PCDH9: variants seen among roughly 807,000 people sequenced by gnomAD.
The protein encoded by PCDH9 is protocadherin 9.
PCDH9 carries 24 observed loss-of-function variants against 70.6 expected under a neutral mutation model. The ratio of observed to expected loss-of-function variants is 0.34; its 90% confidence interval spans 0.25 to 0.48. The LOEUF (loss-of-function observed/expected upper bound fraction) is 0.48, where lower values mean the gene tolerates loss of function less well. PCDH9 is among the 20% of genes least tolerant of loss of function. The pLI is 0.99. For synonymous variants in PCDH9, 562 were observed against 558.5 expected, an observed-to-expected ratio of 1.01 and a Z score of -0.09; for missense variants, 1,281 against 1,503.6, an observed-to-expected ratio of 0.85 and a Z score of 2.45.
At chr13:66,393,515 G>A (rs548384343) in intron 4 of PCDH9, among the ~76,000 whole-genome samples, 85 of 152,294 alleles carry the variant, frequency 5.6e-4, no homozygotes, top group African/African-American at 2.0e-3. Flanking sequence ...CATGTTGACA[G>A]AAATAGGAGA....
chr13:67,100,069 G>T (rs1056536155), intron 2 of PCDH9, among the ~76,000 whole-genome samples: 1 of 152,104 alleles, frequency 6.6e-6, no homozygotes, highest in Non-Finnish European at 1.5e-5. Context: ...AAGTCTATGG[G>T]TTTTTGTCCT....
In PCDH9 at chr13:66,468,533, G is replaced by A. The variant is rs60918607; in HGVS notation, c.3340+162677C>T. Among the ~76,000 whole-genome samples the A allele has an allele frequency of 8.7e-3, 1,318 of 152,140 alleles. 19 individuals are homozygous for A. Among genetic ancestry groups the A allele is most frequent in the African/African-American group, 0.03 (1,227 of 41,512 alleles). ...ATGTCTTGAAAAGAAGATTTGTTAT[G>A]TCTTACACTTCATGACAATACATAC... On this transcript the variant is annotated intron_variant, in intron 4 of 4. Transcript: ENST00000377865.
intron 2 of PCDH9, among the ~76,000 whole-genome samples, chr13:66,974,580 A>G (rs555199861): frequency 6.6e-6 from 1 of 151,978 alleles, no homozygotes; most frequent in Admixed American, 6.6e-5. Flanking sequence ...CCCATACTAC[A>G]GTTATGTATT....
At chr13:67,131,480 C>A (rs2087110037) in intron 2 of PCDH9, among the ~76,000 whole-genome samples, 2 of 152,148 alleles carry the variant, frequency 1.3e-5, no homozygotes. Context: ...TATAGAAAAT[C>A]TCCTAATTTT....
chr13:67,031,167 CGGGTG>C (rs2084898416), intron 2 of PCDH9, among the ~76,000 whole-genome samples: 1 of 151,958 alleles, frequency 6.6e-6, no homozygotes, highest in African/African-American at 2.4e-5. Flanking sequence ...ACATTGAAAG[CGGGTG>C]TTAAGTAAAG....
chr13:66,450,184 A>G (rs1291648735), intron 4 of PCDH9, among the ~76,000 whole-genome samples: 3 of 152,190 alleles, frequency 2.0e-5, no homozygotes, highest in Non-Finnish European at 2.9e-5. Flanking sequence ...ATTGTATAAA[A>G]TCTAGAGGGT....
At position 66,603,910 on chromosome 13, in the gene PCDH9, T is replaced by C. The variant is rs968088078; in HGVS notation, c.3340+27300A>G. Among the ~76,000 whole-genome samples the C allele has an allele frequency of 1.1e-4, 17 of 152,008 alleles. No homozygotes were observed. In the East Asian group the frequency reaches 3.3e-3, roughly 29 times the overall value. ...TAAATATGCCTGTTTAATGAAACTT[T>C]AGGTGTGATCTTTTCTTCTCCTGAT... On this transcript the variant is annotated intron_variant, in intron 4 of 4. Transcript: ENST00000377865.
At chr13:66,582,569 G>T (rs1003040694) in intron 4 of PCDH9, among the ~76,000 whole-genome samples, 2 of 152,092 alleles carry the variant, frequency 1.3e-5, no homozygotes, top group African/African-American at 4.8e-5. Flanking sequence ...GGAGGTGGAG[G>T]TTGCAGTGAG....
rs576597228 is a variant in PCDH9, at chr13:66,313,414, T to C, written c.3341-8386A>G. On this transcript the variant is annotated intron_variant, in intron 4 of 4. Transcript: ENST00000377865. ...TCAGACAAACTTGGTAAATCTAATTTGATGTGAAGCACATTTTAAAGTGCA... is the reference window on the plus strand; with the variant it reads ...TCAGACAAACTTGGTAAATCTAATTCGATGTGAAGCACATTTTAAAGTGCA... 2.6e-5 allele frequency among the ~76,000 whole-genome samples: 4 copies of C among 152,348 alleles called. No individual in the cohort carries two copies. The South Asian group carries it at 8.3e-4, about 32-fold the overall frequency.
chr13:66,421,799 TCA>T (rs532723617), intron 4 of PCDH9, among the ~76,000 whole-genome samples: 147 of 152,080 alleles, frequency 9.7e-4, no homozygotes, highest in Non-Finnish European at 1.9e-3. Flanking sequence ...AGGATCAAAT[TCA>T]CACACAACAT....
intron 2 of PCDH9, among the ~76,000 whole-genome samples, chr13:67,144,064 G>A (rs923524123): frequency 3.9e-5 from 6 of 152,100 alleles, no homozygotes; most frequent in African/African-American, 1.4e-4. Flanking sequence ...GTCCAAGGAA[G>A]GCAAAAAGGT....
At chr13:67,190,236 A>G (rs1254314077) in intron 2 of PCDH9, among the ~76,000 whole-genome samples, 2 of 152,010 alleles carry the variant, frequency 1.3e-5, no homozygotes, top group African/African-American at 4.8e-5. Context: ...ATCTTATTAT[A>G]CTATGGGTGC....
chr13:66,996,755 T>C (rs912696517), intron 2 of PCDH9, among the ~76,000 whole-genome samples: 10 of 152,230 alleles, frequency 6.6e-5, no homozygotes, highest in Non-Finnish European at 1.5e-4. Flanking sequence ...TGAATAGTAC[T>C]GTTTGGCTAG....
At chr13:67,170,936 CA>C (rs1288121243) in intron 2 of PCDH9, among the ~76,000 whole-genome samples, 4 of 151,782 alleles carry the variant, frequency 2.6e-5, no homozygotes, top group Admixed American at 1.3e-4. Context: ...AAAACAAAAA[CA>C]AAAAAGTGAG....
At chr13:66,696,985 C>T (rs866865880) in intron 3 of PCDH9, among the ~76,000 whole-genome samples, 1 of 151,832 alleles carries the variant, frequency 6.6e-6, no homozygotes, top group South Asian at 2.1e-4. Flanking sequence ...GCAGTCTCGG[C>T]TACTCAGGAG....
In PCDH9 at chr13:66,713,912, T is replaced by A. The variant is rs116150462; in HGVS notation, c.3139-82501A>T. Among the ~76,000 whole-genome samples, 1,135 of 152,118 alleles carry A rather than the reference T, an allele frequency of 7.5e-3. 21 individuals are homozygous for A. The highest frequency in any genetic ancestry group is 0.026 in the African/African-American group (1,088 of 41,518). ...CACATCTCTGTGTAATGTAAGGACA[T>A]AGAAAGTGACTCCTGCTAAATATTC... On this transcript the variant is annotated intron_variant, in intron 3 of 4. Coordinates refer to ENST00000377865, the MANE Select transcript of PCDH9 (RefSeq NM_203487.3).
chr13:66,735,013 T>A (rs577309878), intron 3 of PCDH9, among the ~76,000 whole-genome samples: 2 of 152,344 alleles, frequency 1.3e-5, no homozygotes, highest in South Asian at 4.1e-4. Context: ...TTGATTAACA[T>A]GATTTGTTAA....
chr13:66,749,308 T>A (rs2079421107), intron 3 of PCDH9, among the ~76,000 whole-genome samples: 1 of 152,196 alleles, frequency 6.6e-6, no homozygotes, highest in South Asian at 2.1e-4. Flanking sequence ...TAGACAATCA[T>A]CAGCTATGAG....
At chr13:66,549,217 T>TCAAATAA in intron 4 of PCDH9, among the ~76,000 whole-genome samples, 1 of 152,118 alleles carries the variant, frequency 6.6e-6, no homozygotes, top group East Asian at 1.9e-4. Flanking sequence ...ATATAAACCG[T>TCAAATAA]ATGTATATGT....
Sources: gnomAD v4.1 joint callset for allele counts (sites outside exome capture counted in the v4.1 genomes callset) on GRCh38, gnomAD v4.1.1 for gene constraint, MANE v1.5 for transcripts, NCBI Gene and HGNC (gene_info 2026-07-23, HGNC 2026-07-21) for gene names.